Variants in COL19A1 observed in about 807,000 individuals in gnomAD.
COL19A1 encodes the protein collagen alpha-1(XIX) chain.
COL19A1 carries 159 observed loss-of-function variants against 190.2 expected under a neutral mutation model. That is an observed-to-expected ratio of 0.84 (90% CI 0.73 to 0.95). The LOEUF is 0.95. Among genes scored for constraint, COL19A1 ranks in the 40% least tolerant of loss-of-function variants. The pLI, the probability that COL19A1 is intolerant of heterozygous loss-of-function variation, is 0.00. For synonymous variants in COL19A1, 509 were observed against 458.9 expected (o/e 1.11, Z -1.39); for missense variants, 1,418 against 1,431.9 (o/e 0.99, Z 0.16).
chr6:70,162,143 G>C (rs1017598267), intron 35 of COL19A1, among the ~76,000 whole-genome samples, 190 bp downstream of exon 35: 1 of 152,244 alleles, frequency 6.6e-6, no homozygotes, highest in South Asian at 2.1e-4. Context: ...TCAGTGTCCT[G>C]GGGACTTGCC....
intron 15 of COL19A1, among the ~76,000 whole-genome samples, chr6:70,074,522 GAGAA>G (rs950012861): frequency 1.4e-5 from 2 of 138,810 alleles, no homozygotes; most frequent in Admixed American, 1.5e-4. Context: ...AAAAAAGAGA[GAGAA>G]AGAGTATTTC....
intron 11 of COL19A1, among the ~76,000 whole-genome samples, chr6:69,967,498 A>G (rs138227265): frequency 4.1e-4 from 62 of 152,306 alleles, no homozygotes; most frequent in Middle Eastern, 3.4e-3. Context: ...ATCTACTTTG[A>G]TAATCTTTAT....
chr6:70,050,988 A>T (rs1260822315), intron 14 of COL19A1, among the ~76,000 whole-genome samples: 2 of 151,756 alleles, frequency 1.3e-5, no homozygotes, highest in Non-Finnish European at 1.5e-5. Flanking sequence ...ATTTTGATTT[A>T]TTTAGTTATT....
At chr6:70,075,356 G>A (rs756257456) in intron 15 of COL19A1, among the ~76,000 whole-genome samples, 16 of 152,196 alleles carry the variant, frequency 1.1e-4, no homozygotes, top group Non-Finnish European at 1.9e-4. Flanking sequence ...CTCCATGGTG[G>A]ACTTTGGCCG....
intron 11 of COL19A1, among the ~76,000 whole-genome samples, chr6:69,976,845 A>T (rs1393918820): frequency 6.6e-6 from 1 of 152,186 alleles, no homozygotes. Context: ...TAACATCAAG[A>T]GGATGCCTCT....
At chr6:70,121,257 G>A (rs1278475381) in intron 16 of COL19A1, among the ~76,000 whole-genome samples, 2 of 152,092 alleles carry the variant, frequency 1.3e-5, no homozygotes, top group African/African-American at 2.4e-5. Flanking sequence ...TTTAGGGACA[G>A]CCAAATGTAT....
intron 11 of COL19A1, among the ~76,000 whole-genome samples, chr6:70,019,333 G>A (rs2150101192): frequency 6.6e-6 from 1 of 152,178 alleles, no homozygotes; most frequent in Non-Finnish European, 1.5e-5. Context: ...GTAAGGTATA[G>A]AGAACAAAAG....
chr6:69,941,398 A>G (rs1294722185), intron 9 of COL19A1, among the ~76,000 whole-genome samples: 1 of 152,180 alleles, frequency 6.6e-6, no homozygotes, highest in African/African-American at 2.4e-5. Context: ...AATTGTCCAT[A>G]TATTGAAGGA....
intron 12 of COL19A1, among the ~76,000 whole-genome samples, chr6:70,028,846 G>C (rs1172920929): frequency 2.0e-5 from 3 of 152,020 alleles, no homozygotes; most frequent in Non-Finnish European, 2.9e-5. Context: ...CCAACATAGG[G>C]CAAGAACTAT....
chr6:70,195,293 C>T (rs1187081765), intron 48 of COL19A1, among the ~76,000 whole-genome samples: 1 of 151,998 alleles, frequency 6.6e-6, no homozygotes, highest in Non-Finnish European at 1.5e-5. Context: ...CCTTGGCTGT[C>T]TGCATACATA....
At chr6:70,022,106 T>C (rs1319707679) in intron 11 of COL19A1, among the ~76,000 whole-genome samples, 1 of 152,162 alleles carries the variant, frequency 6.6e-6, no homozygotes, top group African/African-American at 2.4e-5. Flanking sequence ...TATCTATTAA[T>C]ATCAGGTGCT....
rs1386152220 is a variant in COL19A1, at chr6:70,206,898, T to C, written c.3224-3T>C. On this transcript the variant is annotated splice_region_variant and splice_polypyrimidine_tract_variant and intron_variant, in intron 49 of 50. Transcript: ENST00000620364. ...GTCTCTTTTTTATATATTTCTCACT[T>C]AGGCTACAGAGGACAGAAGGGAGAA... 6.2e-7 allele frequency: 1 copy of C among 1,612,596 alleles called. No individual in the cohort carries two copies. The highest frequency in any genetic ancestry group is 8.5e-7 in the Non-Finnish European group (1 of 1,179,482).
intron 11 of COL19A1, among the ~76,000 whole-genome samples, chr6:69,986,929 G>T (rs1776346905): frequency 6.6e-6 from 1 of 152,128 alleles, no homozygotes; most frequent in Admixed American, 6.6e-5. Flanking sequence ...GTTGTGTTGT[G>T]TTGTGTTGTT....
Position 70,149,849 on chromosome 6 carries a change from A to G in COL19A1, c.1930-2A>G. On this transcript the variant is annotated splice_acceptor_variant, in intron 28 of 50. Coordinates refer to ENST00000620364, the MANE Select transcript of COL19A1 (RefSeq NM_001858.6). LOFTEE classifies it high-confidence loss of function. ...ACTGTTTTTATTTCCCTCCTTTTCCAGGGTCCTCGAGGTCTCCCTGGGTTG... is the reference window on the plus strand; with the variant it reads ...ACTGTTTTTATTTCCCTCCTTTTCCGGGGTCCTCGAGGTCTCCCTGGGTTG... 1.2e-6 allele frequency: 2 copies of G among 1,613,560 alleles called. No homozygotes were observed. Among genetic ancestry groups the G allele is most frequent in the South Asian group, 2.2e-5 (2 of 91,058 alleles).
At chr6:70,145,719 T>C (rs1786586934) in intron 25 of COL19A1, among the ~76,000 whole-genome samples, 1 of 118,404 alleles carries the variant, frequency 8.4e-6, no homozygotes, top group East Asian at 2.1e-4. Context: ...CATCTTATTG[T>C]TTCTTTTTTT....
intron 11 of COL19A1, among the ~76,000 whole-genome samples, chr6:69,998,451 C>A (rs1019003389): frequency 3.3e-5 from 5 of 151,750 alleles, no homozygotes; most frequent in Non-Finnish European, 5.9e-5. Context: ...TCGAGACCAG[C>A]CTGACCAATG....
rs1771882878 is a variant in COL19A1 at position 69,921,470 on chromosome 6, T to C, written c.267-6439T>C. Among the ~76,000 whole-genome samples, 3 of 109,288 alleles carry C rather than the reference T, an allele frequency of 2.7e-5. 1 individual carries two copies. Among genetic ancestry groups the C allele is most frequent in the Non-Finnish European group, 5.1e-5 (3 of 58,906 alleles). The allele number at this position is 109,288 out of a possible 152,430, so 71.7% of individuals were successfully genotyped here. ...CATATATCATATATATCATATATAT[T>C]CATATATTCATATATATTCATATAT... On this transcript the variant is annotated intron_variant, in intron 4 of 50. Transcript: ENST00000620364.
At chr6:69,965,104 A>C (rs1284451782) in intron 11 of COL19A1, among the ~76,000 whole-genome samples, 1 of 152,208 alleles carries the variant, frequency 6.6e-6, no homozygotes, top group Non-Finnish European at 1.5e-5. Context: ...TTTCTGAACA[A>C]AGTCAATCTA....
intron 11 of COL19A1, among the ~76,000 whole-genome samples, chr6:69,964,549 G>T (rs1383108914): frequency 6.6e-6 from 1 of 152,088 alleles, no homozygotes; most frequent in East Asian, 1.9e-4. Flanking sequence ...TATATACATA[G>T]CTGGTATAGC....
Sources: allele counts gnomAD v4.1 joint callset (sites outside exome capture counted in the v4.1 genomes callset), GRCh38; gene constraint gnomAD v4.1.1; transcripts MANE v1.5; gene names NCBI Gene and HGNC (gene_info 2026-07-23, HGNC 2026-07-21).